The following ACER3 variants were observed in gnomAD, a reference collection of about 807,000 sequenced individuals.
ACER3 encodes the protein alkaline ceramidase 3.
Under a neutral mutation model 48.9 loss-of-function variants are expected in ACER3, and 16 were observed. The ratio of observed to expected loss-of-function variants is 0.33; its 90% confidence interval spans 0.22 to 0.50. The LOEUF is 0.50. ACER3 is among the 20% of genes least tolerant of loss of function. The probability of loss-of-function intolerance (pLI) is 0.98; values close to 1 mark genes in which losing one functional copy is unlikely to be tolerated. For synonymous variants in ACER3, 109 were observed against 107.8 expected (o/e 1.01, Z -0.07); for missense variants, 227 against 326.0 (o/e 0.70, Z 2.34).
chr11:76,883,440 T>TTTG (rs1436867935), intron 1 of ACER3, among the ~76,000 whole-genome samples: 2 of 137,460 alleles, frequency 1.5e-5, no homozygotes, highest in African/African-American at 2.6e-5. Flanking sequence ...TTTTCTTGCT[T>TTTG]TTTTTTTTTT....
At chr11:76,965,765 T>C (rs1948120701) in intron 3 of ACER3, among the ~76,000 whole-genome samples, 1 of 151,056 alleles carries the variant, frequency 6.6e-6, no homozygotes, top group South Asian at 2.1e-4. Context: ...TGCTGAGAGA[T>C]TTTGTCACCA....
intron 1 of ACER3, among the ~76,000 whole-genome samples, chr11:76,885,264 G>A (rs1175425227): frequency 6.6e-6 from 1 of 152,118 alleles, no homozygotes; most frequent in African/African-American, 2.4e-5. Flanking sequence ...ACACAGAAAT[G>A]ACTGTCATGA....
Position 76,875,104 on chromosome 11 carries a change from C to CTCCTT in ACER3, c.103+14026_103+14027insCCTTT, listed in dbSNP as rs1565153658. On this transcript the variant is annotated intron_variant, in intron 1 of 10. Transcript: ENST00000532485. ...AAATTCTAACATGGCATGAAAAGCA[C>CTCCTT]TTCTTTTTTTTTTTTTTTTTTTTTT... is the stretch of plus-strand genomic sequence containing the variant. 3.2e-4 allele frequency among the ~76,000 whole-genome samples: 16 copies of CTCCTT among 50,512 alleles called. 1 individual carries two copies. The highest frequency in any genetic ancestry group is 8.2e-4 in the Non-Finnish European group (15 of 18,324). The allele number at this position is 50,512 out of a possible 152,430, so 33.1% of individuals were successfully genotyped here. A position where few individuals can be genotyped will look rare whatever the true frequency, so the allele number is the denominator to read the frequency against.
At chr11:76,867,708 C>T (rs1406740958) in intron 1 of ACER3, among the ~76,000 whole-genome samples, 1 of 151,608 alleles carries the variant, frequency 6.6e-6, no homozygotes, top group Non-Finnish European at 1.5e-5. Context: ...ATGAAAATTC[C>T]CAATTATGGT....
chr11:76,951,317 T>C (rs934313095), intron 2 of ACER3, among the ~76,000 whole-genome samples: 1 of 152,248 alleles, frequency 6.6e-6, no homozygotes, highest in Non-Finnish European at 1.5e-5. Flanking sequence ...GGGTTTTTTT[T>C]ACTCTCCCCT....
chr11:76,862,918 C>T lies in ACER3; in HGVS notation c.103+1839C>T, dbSNP rs1003347271. On this transcript the variant is annotated intron_variant, in intron 1 of 10. Transcript: ENST00000532485. The stretch of plus-strand genomic sequence containing the variant: ...TGGGTCTATGTAGGTAATAATGACT[C>T]TTAGTTTAGAACCAAGAAAAAACTG... 1.5e-4 allele frequency among the ~76,000 whole-genome samples: 8 copies of T among 53,236 alleles called. No individual in the cohort carries two copies. The South Asian group carries it at 5.1e-3, about 34-fold the overall frequency. 34.9% of individuals were successfully genotyped at this position (53,236 alleles called of 152,430 possible). A position where few individuals can be genotyped will look rare whatever the true frequency, so the allele number is the denominator to read the frequency against.
intron 6 of ACER3, among the ~76,000 whole-genome samples, chr11:76,992,069 G>A (rs1948816848): frequency 6.6e-6 from 1 of 151,720 alleles, no homozygotes; most frequent in African/African-American, 2.4e-5. Flanking sequence ...AAAAAAAATC[G>A]GGCATGGTGG....
chr11:76,984,720 A>C (rs1948652879), intron 4 of ACER3, among the ~76,000 whole-genome samples: 1 of 152,256 alleles, frequency 6.6e-6, no homozygotes, highest in Admixed American at 6.5e-5. Flanking sequence ...ATAAGGGAAG[A>C]GACAATTATA....
At chr11:76,930,691 C>T (rs1386179078) in intron 2 of ACER3, among the ~76,000 whole-genome samples, 1 of 152,050 alleles carries the variant, frequency 6.6e-6, no homozygotes, top group Non-Finnish European at 1.5e-5. Flanking sequence ...TTTCAAAGAA[C>T]GTCTGTATTT....
intron 1 of ACER3, chr11:76,868,383 CT>C: frequency 1.2e-4 from 65 of 525,162 alleles, no homozygotes; most frequent in Non-Finnish European, 1.8e-4. Flanking sequence ...ATATCTCTCT[CT>C]CTCTCTCTGT....
Position 76,875,813 on chromosome 11 carries a change from G to A in ACER3, c.103+14734G>A, listed in dbSNP as rs550164091. Among the ~76,000 whole-genome samples, 9 of 126,172 alleles carry A rather than the reference G, an allele frequency of 7.1e-5. 1 individual carries two copies. In the South Asian group the frequency reaches 2.3e-3, roughly 32 times the overall value. 82.8% of individuals were successfully genotyped at this position (126,172 alleles called of 152,430 possible). Reference sequence around the variant, plus strand: ...TGCAGTGGCATGATCTCAGCTCACTGCAACCTCCCCGTCCCAGGTTCAAAC... The same window carrying A: ...TGCAGTGGCATGATCTCAGCTCACTACAACCTCCCCGTCCCAGGTTCAAAC... On this transcript the variant is annotated intron_variant, in intron 1 of 10. Coordinates refer to ENST00000532485, the MANE Select transcript of ACER3 (RefSeq NM_018367.7).
At chr11:76,948,211 C>CTGTG (rs57302394) in intron 2 of ACER3, among the ~76,000 whole-genome samples, 7,790 of 135,272 alleles carry the variant, frequency 0.058, 294 homozygotes, top group East Asian at 0.12. Flanking sequence ...CTGGCTCACT[C>CTGTG]TGTGTGTGTG....
chr11:76,969,260 A>G (rs1948226468), intron 3 of ACER3, among the ~76,000 whole-genome samples: 1 of 152,210 alleles, frequency 6.6e-6, no homozygotes, highest in Non-Finnish European at 1.5e-5. Context: ...ATCTCACACC[A>G]GTTAGAATGG....
intron 2 of ACER3, among the ~76,000 whole-genome samples, chr11:76,956,627 T>C (rs369073494): frequency 1.3e-4 from 20 of 151,366 alleles, no homozygotes; most frequent in South Asian, 1.0e-3. Flanking sequence ...AAAACAGTCC[T>C]TGAGTAAGGC....
chr11:76,895,739 G>GC (rs1378983224), intron 1 of ACER3, among the ~76,000 whole-genome samples: 3 of 152,136 alleles, frequency 2.0e-5, no homozygotes, highest in African/African-American at 4.8e-5. Flanking sequence ...CAAGCAGCCT[G>GC]CCATAAGTAA....
intron 2 of ACER3, among the ~76,000 whole-genome samples, chr11:76,935,997 AAAC>A (rs1947170843): frequency 6.6e-6 from 1 of 152,284 alleles, no homozygotes; most frequent in East Asian, 1.9e-4. Context: ...ATAATTCCTA[AAAC>A]AACAACAAAA....
chr11:76,867,641 T>C (rs1945130201), intron 1 of ACER3, among the ~76,000 whole-genome samples: 2 of 152,128 alleles, frequency 1.3e-5, no homozygotes, highest in South Asian at 4.1e-4. Context: ...ATGAAGGGTT[T>C]ATTTATCAGA....
intron 7 of ACER3, among the ~76,000 whole-genome samples, chr11:77,002,790 G>C (rs1949059955): frequency 6.6e-6 from 1 of 152,176 alleles, no homozygotes; most frequent in Admixed American, 6.5e-5. Flanking sequence ...TCTGACACCT[G>C]TTACAACAGG....
intron 1 of ACER3, among the ~76,000 whole-genome samples, chr11:76,871,875 T>C (rs1945248668): frequency 6.6e-6 from 1 of 152,190 alleles, no homozygotes; most frequent in African/African-American, 2.4e-5. Flanking sequence ...CTATTTATCA[T>C]GTGATGGTAT....
Sources: gnomAD v4.1 joint callset for allele counts (sites outside exome capture counted in the v4.1 genomes callset) on GRCh38, gnomAD v4.1.1 for gene constraint, MANE v1.5 for transcripts, NCBI Gene and HGNC (gene_info 2026-07-23, HGNC 2026-07-21) for gene names.